The following GRK5 variants were observed in gnomAD, a reference collection of about 807,000 sequenced individuals.
The protein encoded by GRK5 is G protein-coupled receptor kinase 5.
In GRK5, 40 loss-of-function variants were observed where a neutral mutation model predicts 78.4. The observed-to-expected ratio is 0.51, with a 90% CI of 0.40 to 0.66. The LOEUF (loss-of-function observed/expected upper bound fraction) is 0.66, where lower values mean the gene tolerates loss of function less well. GRK5 is among the 30% of genes least tolerant of loss of function. The pLI is 0.00. For synonymous variants in GRK5, 289 were observed against 296.8 expected, an observed-to-expected ratio of 0.97 and a Z score of 0.27; for missense variants, 598 against 759.9, an observed-to-expected ratio of 0.79 and a Z score of 2.50.
chr10:119,395,880 C>T (rs1023598830), intron 3 of GRK5, among the ~76,000 whole-genome samples: 2 of 152,110 alleles, frequency 1.3e-5, no homozygotes, highest in African/African-American at 2.4e-5. Context: ...CCCTTCCCAC[C>T]GCCGGCCCTC....
At chr10:119,398,408 A>ATG (rs1589787704) in intron 4 of GRK5, among the ~76,000 whole-genome samples, 13 of 1,030 alleles carry the variant, frequency 0.013, no homozygotes, top group East Asian at 0.083. Context: ...TCGCGTATCC[A>ATG]CGAGATTGCC....
intron 4 of GRK5, among the ~76,000 whole-genome samples, chr10:119,400,494 T>G (rs559393182): frequency 1.3e-5 from 2 of 152,214 alleles, no homozygotes; most frequent in Admixed American, 1.3e-4. Flanking sequence ...TTGAACATTC[T>G]AGAGTGCACA....
intron 1 of GRK5, among the ~76,000 whole-genome samples, chr10:119,284,821 C>T (rs1316801096): frequency 1.3e-5 from 2 of 152,224 alleles, no homozygotes; most frequent in Non-Finnish European, 2.9e-5. Flanking sequence ...GGATGCAAGG[C>T]TGCCGTCCTG....
rs1029225996 is a variant in GRK5, at chr10:119,441,362, G to A, written c.968-637G>A. 7.9e-5 allele frequency among the ~76,000 whole-genome samples: 12 copies of A among 152,344 alleles called. No individual in the cohort carries two copies. In the South Asian group the frequency reaches 2.3e-3, roughly 29 times the overall value. On this transcript the variant is annotated intron_variant, in intron 10 of 15. Coordinates refer to ENST00000392870, the MANE Select transcript of GRK5 (RefSeq NM_005308.3). ...AAGGGGACGTGTTCCTTCCTGTGGG[G>A]TAAGTTGTGGCCGCGACCCTGCCCA... is the stretch of plus-strand genomic sequence containing the variant.
chr10:119,236,238 C>T (rs1168863824), intron 1 of GRK5, among the ~76,000 whole-genome samples: 1 of 151,934 alleles, frequency 6.6e-6, no homozygotes, highest in Non-Finnish European at 1.5e-5. Flanking sequence ...TTTTTTGAGA[C>T]GGAGTCTCGC....
intron 1 of GRK5, among the ~76,000 whole-genome samples, chr10:119,299,179 A>G (rs1362530971): frequency 6.6e-6 from 1 of 152,134 alleles, no homozygotes; most frequent in African/African-American, 2.4e-5. Flanking sequence ...GCAGTGGCTC[A>G]CCTCTGTAAT....
chr10:119,395,272 GA>G (rs1852028021), intron 3 of GRK5, among the ~76,000 whole-genome samples: 1 of 152,234 alleles, frequency 6.6e-6, no homozygotes, highest in African/African-American at 2.4e-5. Context: ...TCCATTAGAA[GA>G]GAGAGGGCAA....
chr10:119,401,014 C>G (rs1852140777), intron 4 of GRK5, among the ~76,000 whole-genome samples: 1 of 152,190 alleles, frequency 6.6e-6, no homozygotes, highest in Non-Finnish European at 1.5e-5. Flanking sequence ...ACAGTGGCAT[C>G]TGCTCTCTGT....
rs1312447661 is a variant in GRK5 at position 119,357,260 on chromosome 10, G to C, written c.149-23555G>C. 1.3e-5 allele frequency among the ~76,000 whole-genome samples: 2 copies of C among 152,220 alleles called. 1 individual carries two copies. The highest frequency in any genetic ancestry group is 3.8e-4 in the East Asian group (2 of 5,204). ...ATGCTCCAAAGATAAAGTCACAAAT[G>C]GGGGGTAGGGTGGGCTGTGGCCTTC... On this transcript the variant is annotated intron_variant, in intron 2 of 15. Coordinates refer to ENST00000392870, the MANE Select transcript of GRK5 (RefSeq NM_005308.3).
chr10:119,275,336 C>G (rs1849650599), intron 1 of GRK5, among the ~76,000 whole-genome samples: 1 of 152,138 alleles, frequency 6.6e-6, no homozygotes, highest in African/African-American at 2.4e-5. Flanking sequence ...GAGAGAGGAA[C>G]CACCTTGGCT....
chr10:119,427,291 C>CGCCATCGACAGCATCACT (rs1564930852), intron 6 of GRK5, among the ~76,000 whole-genome samples: 1 of 150,072 alleles, frequency 6.7e-6, no homozygotes. Flanking sequence ...TCAGCATCAT[C>CGCCATCGACAGCATCACT]GCCATCAACA....
At chr10:119,419,894 T>C (rs1852534721) in intron 4 of GRK5, among the ~76,000 whole-genome samples, 2 of 152,208 alleles carry the variant, frequency 1.3e-5, no homozygotes, top group African/African-American at 2.4e-5. Context: ...TTGCCTCTGC[T>C]ATGGGACCAA....
At chr10:119,358,507 T>C (rs184629571) in intron 2 of GRK5, among the ~76,000 whole-genome samples, 15 of 152,246 alleles carry the variant, frequency 9.9e-5, no homozygotes, top group Admixed American at 4.6e-4. Context: ...CCCCCAGGAA[T>C]TGAGGCGTGC....
Position 119,452,401 on chromosome 10 carries a change from G to A in GRK5, c.1405-270G>A, listed in dbSNP as rs1369432702. On this transcript the variant is annotated intron_variant, in intron 13 of 15. Transcript: ENST00000392870. This position sits in a 1 kb window ranked among gnomAD's most constrained non-coding sequence, Gnocchi z 4.4. ...CAGGGTCCCCGTCATGGATCTGAGA[G>A]AGGGCTGCACTGTCATCTGGAGGGG... 1 of 425,728 alleles carries A rather than the reference G, an allele frequency of 2.3e-6. No homozygotes were observed. The allele number at this position is 425,728 out of a possible 1,614,324, so 26.4% of individuals were successfully genotyped here. A position where few individuals can be genotyped will look rare whatever the true frequency, so the allele number is the denominator to read the frequency against.
At chr10:119,352,467 T>C (rs1351264675) in intron 2 of GRK5, among the ~76,000 whole-genome samples, 1 of 152,196 alleles carries the variant, frequency 6.6e-6, no homozygotes, top group Admixed American at 6.5e-5. Context: ...CATATGTGAA[T>C]GGAGGACAAA....
intron 3 of GRK5, among the ~76,000 whole-genome samples, chr10:119,388,458 A>G (rs1351717122): frequency 6.6e-6 from 1 of 152,016 alleles, no homozygotes; most frequent in East Asian, 1.9e-4. Context: ...TGCCTCAGCC[A>G]TCCTAGTAGC....
In GRK5 at chr10:119,394,119, T is replaced by G. The variant is rs1302113272; in HGVS notation, c.262-2576T>G. Reference sequence around the variant, plus strand: ...TGTGTCTGCGTCTGTGTGGGGGGTGTGTGTGTGTGTGTGGGTATCTGTGGG... The same window carrying G: ...TGTGTCTGCGTCTGTGTGGGGGGTGGGTGTGTGTGTGTGGGTATCTGTGGG... On this transcript the variant is annotated intron_variant, in intron 3 of 15. Transcript: ENST00000392870. 4.6e-3 allele frequency among the ~76,000 whole-genome samples: 207 copies of G among 45,032 alleles called. 1 individual carries two copies. The highest frequency in any genetic ancestry group is 0.014 in the South Asian group (18 of 1,304). 29.5% of individuals were successfully genotyped at this position (45,032 alleles called of 152,430 possible). A position where few individuals can be genotyped will look rare whatever the true frequency, so the allele number is the denominator to read the frequency against.
At chr10:119,281,264 C>T (rs1346781702) in intron 1 of GRK5, among the ~76,000 whole-genome samples, 2 of 151,920 alleles carry the variant, frequency 1.3e-5, no homozygotes, top group African/African-American at 4.8e-5. Flanking sequence ...AGGGACTCTG[C>T]ACATGCTGCC....
chr10:119,348,258 A>G (rs1464006556), intron 2 of GRK5, among the ~76,000 whole-genome samples: 1 of 152,142 alleles, frequency 6.6e-6, no homozygotes, highest in Admixed American at 6.5e-5. Flanking sequence ...GCTCTCTTTC[A>G]TCTGATGTCA....
Sources: gnomAD v4.1 joint callset for allele counts (sites outside exome capture counted in the v4.1 genomes callset) on GRCh38, gnomAD v4.1.1 for gene constraint, Gnocchi (gnomAD v3.1) non-coding constraint, MANE v1.5 for transcripts, NCBI Gene and HGNC (gene_info 2026-07-23, HGNC 2026-07-21) for gene names.